The following TEAD1 variants were observed in gnomAD, a reference collection of about 807,000 sequenced individuals.
TEAD1 encodes TEA domain transcription factor 1, also known as transcriptional enhancer factor TEF-1.
Under a neutral mutation model 54.9 loss-of-function variants are expected in TEAD1, and 9 were observed. The observed-to-expected ratio is 0.16, with a 90% confidence interval of 0.10 to 0.29. TEAD1 has a LOEUF of 0.29. Ranked by LOEUF, TEAD1 falls within the 10% of genes least tolerant of loss-of-function variation. The pLI, the probability that TEAD1 is intolerant of heterozygous loss-of-function variation, is 1.00. For missense variants in TEAD1, 387 were observed against 535.9 expected (o/e 0.72, Z 2.74); for synonymous variants, 200 against 187.8 (o/e 1.07, Z -0.53).
chr11:12,884,293 A>G lies in TEAD1; in HGVS notation c.699+1168A>G, dbSNP rs114871768. ...TTGCATCTGTGTGTGGGTGAGCCCA[A>G]GGCAAAAACTGAAGGAATCCTTAGT... On this transcript the variant is annotated intron_variant, in intron 9 of 12. Coordinates refer to ENST00000527636, the MANE Select transcript of TEAD1 (RefSeq NM_021961.6). Among the ~76,000 whole-genome samples, 461 of 152,226 alleles carry G rather than the reference A, an allele frequency of 3.0e-3. 4 individuals are homozygous for G. The highest frequency in any genetic ancestry group is 0.011 in the African/African-American group (438 of 41,540).
intron 2 of TEAD1, among the ~76,000 whole-genome samples, chr11:12,687,483 G>A (rs1943358166): frequency 6.6e-6 from 1 of 152,234 alleles, no homozygotes; most frequent in East Asian, 1.9e-4. Flanking sequence ...ACATCACACA[G>A]CTGCACTTTA....
At chr11:12,780,229 AACTC>A (rs1442765539) in intron 3 of TEAD1, among the ~76,000 whole-genome samples, 1 of 151,874 alleles carries the variant, frequency 6.6e-6, no homozygotes, top group East Asian at 1.9e-4. Context: ...AAAAATATAA[AACTC>A]AATTGTAAAT....
intron 3 of TEAD1, among the ~76,000 whole-genome samples, chr11:12,835,113 G>A (rs1423471258): frequency 6.6e-6 from 1 of 152,134 alleles, no homozygotes; most frequent in Non-Finnish European, 1.5e-5. Context: ...GAGGGAGATT[G>A]GGAGCTAATG....
At chr11:12,901,893 T>C (rs2134128701) in intron 9 of TEAD1, 47 bp from the exon 10 acceptor site, 1 of 1,613,112 alleles carries the variant, frequency 6.2e-7, no homozygotes, top group East Asian at 2.2e-5. Flanking sequence ...GAGTTCCAGG[T>C]TGATCAAAGA....
chr11:12,929,464 C>A (rs1948973744), intron 11 of TEAD1, among the ~76,000 whole-genome samples: 1 of 149,836 alleles, frequency 6.7e-6, no homozygotes, highest in Non-Finnish European at 1.5e-5. Context: ...GTGTTTTATT[C>A]TGTAAATTTT....
chr11:12,906,553 A>AG (rs1564985923), intron 10 of TEAD1, among the ~76,000 whole-genome samples: 12 of 151,758 alleles, frequency 7.9e-5, no homozygotes, highest in Non-Finnish European at 1.6e-4. Flanking sequence ...AAAAAAAAAA[A>AG]AAAAAGAAAG....
chr11:12,788,858 C>G (rs1945737910), intron 3 of TEAD1, among the ~76,000 whole-genome samples: 1 of 152,210 alleles, frequency 6.6e-6, no homozygotes, highest in Admixed American at 6.5e-5. Context: ...GAGATTTTAG[C>G]TGTTTTCTTA....
At chr11:12,784,339 T>A (rs1396325846) in intron 3 of TEAD1, among the ~76,000 whole-genome samples, 1 of 152,074 alleles carries the variant, frequency 6.6e-6, no homozygotes, top group Non-Finnish European at 1.5e-5. Context: ...TTGGGGCACT[T>A]CATGGGGAGG....
intron 10 of TEAD1, among the ~76,000 whole-genome samples, chr11:12,908,539 C>T (rs1948558307): frequency 6.6e-6 from 1 of 152,148 alleles, no homozygotes; most frequent in Non-Finnish European, 1.5e-5. Context: ...TCTGTGGCCG[C>T]ACCTGACTGA....
At chr11:12,881,376 G>A (rs375156467) in intron 7 of TEAD1, among the ~76,000 whole-genome samples, 27 of 152,252 alleles carry the variant, frequency 1.8e-4, no homozygotes, top group African/African-American at 6.5e-4. Flanking sequence ...GGCGGCACAG[G>A]TGATCCTCTA....
intron 2 of TEAD1, among the ~76,000 whole-genome samples, chr11:12,744,091 A>G (rs909937447): frequency 6.6e-6 from 1 of 152,124 alleles, no homozygotes; most frequent in Admixed American, 6.5e-5. Flanking sequence ...TGCTGAGAAA[A>G]CTTTAGTTGC....
intron 3 of TEAD1, among the ~76,000 whole-genome samples, chr11:12,766,486 G>C (rs1158581461): frequency 6.6e-6 from 1 of 152,214 alleles, no homozygotes. Flanking sequence ...CTTGGTCTCA[G>C]TTTTCTTCTG....
At chr11:12,782,928 C>T (rs1451177485) in intron 3 of TEAD1, among the ~76,000 whole-genome samples, 1 of 151,952 alleles carries the variant, frequency 6.6e-6, no homozygotes, top group African/African-American at 2.4e-5. Flanking sequence ...AGCCTGATAC[C>T]CTAAAAGTGT....
intron 5 of TEAD1, among the ~76,000 whole-genome samples, chr11:12,875,428 C>G (rs1589948979): frequency 2.0e-5 from 3 of 152,316 alleles, no homozygotes; most frequent in Admixed American, 2.0e-4. Context: ...GCTTGGCATT[C>G]TTTCAAATTC....
chr11:12,774,434 A>G lies in TEAD1; in HGVS notation c.202+10000A>G, dbSNP rs3741406. On this transcript the variant is annotated intron_variant, in intron 3 of 12. Coordinates refer to ENST00000527636, the MANE Select transcript of TEAD1 (RefSeq NM_021961.6). ...TTGAGGAGTACATGGCCCCATGGAT[A>G]TGCATGGAAAGATGTTGATAGAGTG... Among the ~76,000 whole-genome samples, 549 of 152,344 alleles carry G rather than the reference A, an allele frequency of 3.6e-3. 16 individuals are homozygous for G. The East Asian group carries it at 0.06, about 17-fold the overall frequency.
At chr11:12,797,943 A>G (rs1377382287) in intron 3 of TEAD1, among the ~76,000 whole-genome samples, 2 of 151,960 alleles carry the variant, frequency 1.3e-5, no homozygotes, top group African/African-American at 4.8e-5. Flanking sequence ...TTTCCTTTGG[A>G]TAATTCTCAT....
chr11:12,908,611 G>C (rs1948559583), intron 10 of TEAD1, among the ~76,000 whole-genome samples: 1 of 152,154 alleles, frequency 6.6e-6, no homozygotes, highest in Non-Finnish European at 1.5e-5. Flanking sequence ...ATTCAGGTTG[G>C]AGTCTAAGTC....
At chr11:12,752,661 G>T (rs1285462311) in intron 2 of TEAD1, among the ~76,000 whole-genome samples, 1 of 151,670 alleles carries the variant, frequency 6.6e-6, no homozygotes, top group Non-Finnish European at 1.5e-5. Flanking sequence ...AATGATTTTT[G>T]TCTGTGCTGT....
chr11:12,907,549 G>T (rs147378085), intron 10 of TEAD1, among the ~76,000 whole-genome samples: 3 of 152,134 alleles, frequency 2.0e-5, no homozygotes, highest in Non-Finnish European at 2.9e-5. Context: ...TAATTCTACA[G>T]CGTATTTAAT....
Sources: gnomAD v4.1 joint callset for allele counts (sites outside exome capture counted in the v4.1 genomes callset) on GRCh38, gnomAD v4.1.1 for gene constraint, MANE v1.5 for transcripts, NCBI Gene and HGNC (gene_info 2026-07-23, HGNC 2026-07-21) for gene names.